The following C2orf80 variants were observed in gnomAD, a reference collection of about 807,000 sequenced individuals.
C2orf80 encodes the protein chromosome 2 open reading frame 80.
A neutral mutation model predicts 30.2 loss-of-function variants in C2orf80; 28 were observed. The observed-to-expected ratio is 0.93, with a 90% CI of 0.69 to 1.27. The LOEUF is 1.27. Ranked by LOEUF, C2orf80 falls within the 50% of genes most tolerant of loss-of-function variation. C2orf80 has a pLI of 0.00. For synonymous variants in C2orf80, 80 were observed against 76.4 expected (o/e 1.05, Z -0.24); for missense variants, 220 against 231.0 (o/e 0.95, Z 0.31).
At chr2:208,171,889 T>A (rs747844109) in intron 7 of C2orf80, 99 bp downstream of exon 7, 247 of 989,590 alleles carry the variant, frequency 2.5e-4, no homozygotes, top group Non-Finnish European at 9.5e-5. Flanking sequence ...CATAGAAATC[T>A]AATTCCCATT....
intron 7 of C2orf80, 110 bp downstream of exon 7, chr2:208,171,878 A>T (rs1696109905): frequency 1.6e-5 from 15 of 926,000 alleles, no homozygotes; most frequent in Non-Finnish European, 2.5e-5. Context: ...ATTCAACCAG[A>T]CATAGAAATC....
intron 8 of C2orf80, among the ~76,000 whole-genome samples, chr2:208,169,918 G>A (rs1174002590): frequency 6.6e-6 from 1 of 152,050 alleles, no homozygotes; most frequent in Non-Finnish European, 1.5e-5. Flanking sequence ...CTATGATAAG[G>A]TTACATTTCT....
chr2:208,171,674 T>C (rs1696103787), intron 7 of C2orf80, among the ~76,000 whole-genome samples: 1 of 152,058 alleles, frequency 6.6e-6, no homozygotes, highest in Admixed American at 6.6e-5. Context: ...CTCAAACTTC[T>C]GGGCACACAA....
Position 208,186,994 on chromosome 2 carries a change from G to C in C2orf80, c.-8C>G. On this transcript the variant is annotated 5_prime_UTR_variant, in exon 2 of 9. Transcript: ENST00000341287. ...TATGAGCCTTCTTTCCATGTTAAAGGCTTAGCCAGCTGAGCAGGTATCTGC... is the reference window on the plus strand; with the variant it reads ...TATGAGCCTTCTTTCCATGTTAAAGCCTTAGCCAGCTGAGCAGGTATCTGC... The C allele has an allele frequency of 6.2e-7, 1 of 1,613,846 alleles. No individual in the cohort carries two copies.
intron 8 of C2orf80, among the ~76,000 whole-genome samples, chr2:208,167,760 A>G (rs571039989): frequency 1.9e-3 from 296 of 151,944 alleles, no homozygotes; most frequent in African/African-American, 6.7e-3. Context: ...TATTTTTAGT[A>G]GAGATGGGGT....
intron 7 of C2orf80, 38 bp downstream of exon 7, chr2:208,171,950 T>C (rs1175389349): frequency 6.5e-7 from 1 of 1,537,080 alleles, no homozygotes; most frequent in Admixed American, 1.7e-5. Flanking sequence ...CTAGTTTGAC[T>C]TACATTCCTC....
intron 8 of C2orf80, among the ~76,000 whole-genome samples, chr2:208,169,405 A>G (rs1272756515): frequency 6.6e-6 from 1 of 152,128 alleles, no homozygotes; most frequent in East Asian, 1.9e-4. Context: ...TCTTCAAAAA[A>G]TTCTTCAGAA....
At chr2:208,173,573 C>T (rs543636656) in intron 6 of C2orf80, among the ~76,000 whole-genome samples, 48 of 151,946 alleles carry the variant, frequency 3.2e-4, no homozygotes, top group African/African-American at 1.1e-3. Context: ...TGCCGTGAGC[C>T]GAGATCGTGC....
Position 208,173,441 on chromosome 2 carries a change from T to G in C2orf80, c.367-1366A>C, listed in dbSNP as rs567980992. Reference sequence around the variant, plus strand: ...AGATCGAAACTATCCTGGATAACACTGTGAAAACCCGTGTCTACTAAAAAT... The same window carrying G: ...AGATCGAAACTATCCTGGATAACACGGTGAAAACCCGTGTCTACTAAAAAT... On this transcript the variant is annotated intron_variant, in intron 6 of 8. Coordinates refer to ENST00000341287, the MANE Select transcript of C2orf80 (RefSeq NM_001099334.3). Among the ~76,000 whole-genome samples the G allele has an allele frequency of 5.4e-3, 820 of 151,964 alleles. 7 individuals carry two copies. The highest frequency in any genetic ancestry group is 8.7e-3 in the Non-Finnish European group (590 of 67,940).
Position 208,175,854 on chromosome 2 carries a change from A to C in C2orf80, c.367-3779T>G, listed in dbSNP as rs1696273685. 3.9e-5 allele frequency among the ~76,000 whole-genome samples: 6 copies of C among 152,106 alleles called. No individual in the cohort carries two copies. In the South Asian group the frequency reaches 1.2e-3, roughly 32 times the overall value. ...TTTGAAATGCTACATTGCTATCGAG[A>C]GGTCCTGCTAATGCCTAATTCAAAA... is the stretch of plus-strand genomic sequence containing the variant. On this transcript the variant is annotated intron_variant, in intron 6 of 8. Transcript: ENST00000341287.
Position 208,165,654 on chromosome 2 carries a change from GAA to G in C2orf80, c.*151_*152del. On this transcript the variant is annotated 3_prime_UTR_variant, in exon 9 of 9. Coordinates refer to ENST00000341287, the MANE Select transcript of C2orf80 (RefSeq NM_001099334.3). ...GCCATGCAATATGCTTCTAAAAGAA[GAA>G]AGCTCAACATCAAAAATAACACTTC... 1.0e-6 allele frequency: 1 copy of G among 953,724 alleles called. No homozygotes were observed. Among genetic ancestry groups the G allele is most frequent in the Non-Finnish European group, 1.5e-6 (1 of 657,676 alleles). The allele number at this position is 953,724 out of a possible 1,614,324, so 59.1% of individuals were successfully genotyped here.
At position 208,189,947 on chromosome 2, in the gene C2orf80, G is replaced by T; in HGVS notation, c.-76+6C>A. On this transcript the variant is annotated splice_donor_region_variant and intron_variant, in intron 1 of 8. Transcript: ENST00000341287. ...CTTAACAAATTCCCCTTTGAGAATCGCTCACCAACCGGAGACCGGTTCCAG... is the reference window on the plus strand; with the variant it reads ...CTTAACAAATTCCCCTTTGAGAATCTCTCACCAACCGGAGACCGGTTCCAG... 1 of 702,818 alleles carries T rather than the reference G, an allele frequency of 1.4e-6. No homozygotes were observed. Among genetic ancestry groups the T allele is most frequent in the East Asian group, 2.7e-5 (1 of 37,274 alleles). The allele number at this position is 702,818 out of a possible 1,614,324, so 43.5% of individuals were successfully genotyped here.
intron 6 of C2orf80, among the ~76,000 whole-genome samples, chr2:208,177,802 T>TTATC (rs1696412338): frequency 6.8e-6 from 1 of 147,846 alleles, no homozygotes; most frequent in African/African-American, 2.6e-5. Flanking sequence ...TCTAGCACCT[T>TTATC]TATTTATTTA....
At chr2:208,177,280 G>A (rs1019627928) in intron 6 of C2orf80, among the ~76,000 whole-genome samples, 4 of 151,428 alleles carry the variant, frequency 2.6e-5, no homozygotes, top group East Asian at 1.9e-4. Context: ...GGTGGCTCAC[G>A]CCTGTAATCC....
Position 208,165,760 on chromosome 2 carries a change from G to A in C2orf80, c.*47C>T. 1 of 1,611,620 alleles carries A rather than the reference G, an allele frequency of 6.2e-7. No homozygotes were observed. The highest frequency in any genetic ancestry group is 2.2e-5 in the East Asian group (1 of 44,764). On this transcript the variant is annotated 3_prime_UTR_variant, in exon 9 of 9. Coordinates refer to ENST00000341287, the MANE Select transcript of C2orf80 (RefSeq NM_001099334.3). ...GGTTTTAAGATGATGCTTCTCGTCT[G>A]CTCCCAGAGAATCTATTATGAAGTT...
At chr2:208,177,834 TA>T (rs370226309) in intron 6 of C2orf80, among the ~76,000 whole-genome samples, 8 of 148,422 alleles carry the variant, frequency 5.4e-5, no homozygotes, top group African/African-American at 2.1e-4. Flanking sequence ...ATTTATTTTT[TA>T]TTTTTTTTGA....
In C2orf80 at chr2:208,181,283, G is replaced by A; in HGVS notation, c.229C>T (p.Pro77Ser). ...EELKIPLHGRPIYPNRREREA... is the reference protein window; with the variant it reads ...EELKIPLHGRSIYPNRREREA... ...CGTTCTCTACGATTTGGATATATGG[G>A]TCTGCCATGGAGTGGTATTTTCCTA... Residue 77 changes from proline (P) to serine (S), a missense_variant, in exon 5 of 9, where the codon CCC (proline) becomes TCC (serine). Physicochemically the swap from Pro to Ser is moderately conservative, Grantham distance 74 (BLOSUM62 -1). Coordinates refer to ENST00000341287, the MANE Select transcript of C2orf80 (RefSeq NM_001099334.3). The A allele has an allele frequency of 6.2e-7, 1 of 1,609,752 alleles. No individual in the cohort carries two copies. Among genetic ancestry groups the A allele is most frequent in the Non-Finnish European group, 8.5e-7 (1 of 1,176,206 alleles).
At position 208,171,059 on chromosome 2, in the gene C2orf80, G is replaced by A. The variant is rs764874779; in HGVS notation, c.459C>T (p.Val153=). ...TATTTGTTGTTACCTTTCTTGACTT[G>A]ACACCTACAGACAGATGCAGTAACC... is the stretch of plus-strand genomic sequence containing the variant. ...KAAAYARKQS[V]KSRKVTTNKN... Residue 153 remains valine, a synonymous_variant, in exon 8 of 9, where the codon GTC becomes GTT. Coordinates refer to ENST00000341287, the MANE Select transcript of C2orf80 (RefSeq NM_001099334.3). The A allele has an allele frequency of 4.4e-6, 7 of 1,607,376 alleles. No individual in the cohort carries two copies. Among genetic ancestry groups the A allele is most frequent in the Admixed American group, 1.7e-5 (1 of 60,012 alleles).
intron 8 of C2orf80, among the ~76,000 whole-genome samples, chr2:208,169,648 G>A (rs1480148354): frequency 6.6e-6 from 1 of 151,396 alleles, no homozygotes; most frequent in African/African-American, 2.4e-5. Flanking sequence ...GGGAAGTGGA[G>A]GTTGCAGTAA....
Sources: gnomAD v4.1 joint callset for allele counts (sites outside exome capture counted in the v4.1 genomes callset) on GRCh38, gnomAD v4.1.1 for gene constraint, MANE v1.5 for transcripts, NCBI Gene and HGNC (gene_info 2026-07-23, HGNC 2026-07-21) for gene names.